Variants in LOC400499 observed in about 807,000 individuals in gnomAD.
chr16:11,404,417 G>C, the LOC400499 span, among the ~76,000 whole-genome samples: 1 of 152,054 alleles, frequency 6.6e-6, no homozygotes, highest in East Asian at 1.9e-4. Context: ...CTCAATCTCG[G>C]CTCTCTGCAA....
chr16:11,393,376 C>G, the LOC400499 span: 1 of 1,232,166 alleles, frequency 8.1e-7, no homozygotes, highest in Non-Finnish European at 1.0e-6. Flanking sequence ...GAGCTGGGAC[C>G]CAGCTGCCAC....
chr16:11,406,490 C>T, the LOC400499 span, among the ~76,000 whole-genome samples: 16 of 152,292 alleles, frequency 1.1e-4, 1 homozygote, highest in Admixed American at 3.3e-4. Flanking sequence ...CGCAGTGCAA[C>T]GGCGCAATCT....
the LOC400499 span, among the ~76,000 whole-genome samples, chr16:11,496,366 C>T: frequency 2.6e-5 from 4 of 152,232 alleles, no homozygotes; most frequent in Admixed American, 6.5e-5. Context: ...CACGCCCGAG[C>T]TGCCCAGCTC....
the LOC400499 span, among the ~76,000 whole-genome samples, chr16:11,521,425 G>A: frequency 6.6e-6 from 1 of 152,136 alleles, no homozygotes; most frequent in African/African-American, 2.4e-5. Flanking sequence ...ACCACCAAGT[G>A]GGCCTAGCTC....
At chr16:11,431,455 G>C in the LOC400499 span, among the ~76,000 whole-genome samples, 3 of 152,136 alleles carry the variant, frequency 2.0e-5, no homozygotes, top group East Asian at 1.9e-4. Context: ...ACCCAGGCTG[G>C]AGTACAGTGG....
the LOC400499 span, among the ~76,000 whole-genome samples, chr16:11,463,754 T>C: frequency 1.3e-5 from 2 of 152,162 alleles, no homozygotes; most frequent in Non-Finnish European, 2.9e-5. Context: ...TATATGGATG[T>C]GTGTATATAT....
the LOC400499 span, among the ~76,000 whole-genome samples, chr16:11,415,960 G>GT: frequency 0.014 from 2,004 of 146,304 alleles, 57 homozygotes; most frequent in African/African-American, 0.045. Context: ...TTGTTGTTTT[G>GT]TTTTTTTTTT....
chr16:11,381,615 G>C, the LOC400499 span, among the ~76,000 whole-genome samples: 15 of 152,264 alleles, frequency 9.9e-5, no homozygotes, highest in Admixed American at 9.2e-4. Context: ...AATGAACGTC[G>C]GTGGATCCCT....
At chr16:11,379,060 T>A in the LOC400499 span, among the ~76,000 whole-genome samples, 1 of 152,262 alleles carries the variant, frequency 6.6e-6, no homozygotes, top group Non-Finnish European at 1.5e-5. Context: ...GGTCAGGAGT[T>A]CAAGAGCAGC....
chr16:11,395,652 C>A, the LOC400499 span, among the ~76,000 whole-genome samples: 315 of 152,320 alleles, frequency 2.1e-3, 1 homozygote, highest in African/African-American at 7.3e-3. Context: ...AGATGTTGTA[C>A]AAATGTGTTT....
chr16:11,384,135 G>A, the LOC400499 span: 67 of 1,212,872 alleles, frequency 5.5e-5, no homozygotes, highest in Admixed American at 8.5e-5. Flanking sequence ...CCATCAGGCC[G>A]CCTGCCTCTC....
chr16:11,418,966 G>C, the LOC400499 span, among the ~76,000 whole-genome samples: 1 of 152,274 alleles, frequency 6.6e-6, no homozygotes, highest in Non-Finnish European at 1.5e-5. Flanking sequence ...AGGAGTTTGA[G>C]ACCATCCTGG....
At chr16:11,411,480 C>A in the LOC400499 span, among the ~76,000 whole-genome samples, 1 of 152,188 alleles carries the variant, frequency 6.6e-6, no homozygotes, top group South Asian at 2.1e-4. Context: ...TCACACACCC[C>A]GAGGCCCAAG....
chr16:11,435,396 G>A, the LOC400499 span, among the ~76,000 whole-genome samples: 1 of 152,174 alleles, frequency 6.6e-6, no homozygotes, highest in African/African-American at 2.4e-5. Context: ...TATGACTCAA[G>A]GTGCCCAGCC....
the LOC400499 span, among the ~76,000 whole-genome samples, chr16:11,512,076 G>C: frequency 6.7e-5 from 10 of 150,046 alleles, no homozygotes; most frequent in Non-Finnish European, 1.2e-4. Context: ...ATCACCTGAA[G>C]TCAGGAGTTC....
the LOC400499 span, chr16:11,448,124 G>A: frequency 2.0e-6 from 3 of 1,507,606 alleles, no homozygotes; most frequent in East Asian, 2.5e-5. Flanking sequence ...GGACCAAGCT[G>A]CAGACCTGCC....
the LOC400499 span, among the ~76,000 whole-genome samples, chr16:11,463,333 G>A: frequency 0.076 from 11,089 of 146,334 alleles, 544 homozygotes; most frequent in Non-Finnish European, 0.11. Context: ...TTACCACACT[G>A]CCACTACTTA....
the LOC400499 span, chr16:11,446,617 T>C: frequency 6.5e-7 from 1 of 1,536,158 alleles, no homozygotes; most frequent in African/African-American, 1.4e-5. Context: ...ATCGTATGGA[T>C]GCATCAGACC....
chr16:11,489,028 A>G, the LOC400499 span, among the ~76,000 whole-genome samples: 2 of 152,174 alleles, frequency 1.3e-5, no homozygotes, highest in African/African-American at 4.8e-5. Context: ...TCTTCTCTCA[A>G]ACAGCAGCCA....
Sources: gnomAD v4.1 joint callset for allele counts (sites outside exome capture counted in the v4.1 genomes callset) on GRCh38, gnomAD v4.1.1 for gene constraint, MANE v1.5 for transcripts.